LRP1B: variants seen among roughly 807,000 people sequenced by gnomAD.
LRP1B encodes the protein low-density lipoprotein receptor-related protein 1B.
A neutral mutation model predicts 556.6 loss-of-function variants in LRP1B; 217 were observed. The observed-to-expected ratio is 0.39, with a 90% CI of 0.35 to 0.44. LRP1B has a LOEUF of 0.44. Among genes scored for constraint, LRP1B ranks in the 20% least tolerant of loss-of-function variants. The pLI is 1.00. For missense variants in LRP1B, 5,053 were observed against 5,620.8 expected, an observed-to-expected ratio of 0.90 and a Z score of 3.23; for synonymous variants, 2,047 against 1,865.8, an observed-to-expected ratio of 1.10 and a Z score of -2.50.
intron 77 of LRP1B, 35 bp from the exon 78 acceptor site, chr2:140,335,873 T>G: frequency 7.4e-7 from 1 of 1,344,224 alleles, no homozygotes; most frequent in Non-Finnish European, 1.1e-6. Flanking sequence ...CACGGTATTT[T>G]CAACAGGAAA....
intron 1 of LRP1B, among the ~76,000 whole-genome samples, chr2:142,032,914 C>T (rs995911090): frequency 6.6e-6 from 1 of 151,840 alleles, no homozygotes; most frequent in South Asian, 2.1e-4. Flanking sequence ...TTAACACTAT[C>T]AGCATGTGAA....
At chr2:141,391,932 CACT>C (rs1315919276) in intron 3 of LRP1B, among the ~76,000 whole-genome samples, 3 of 152,108 alleles carry the variant, frequency 2.0e-5, no homozygotes, top group Admixed American at 1.3e-4. Context: ...ATGATGTACC[CACT>C]ACTATGTATA....
intron 3 of LRP1B, among the ~76,000 whole-genome samples, chr2:141,277,815 A>G (rs1025291089): frequency 2.0e-5 from 3 of 152,058 alleles, no homozygotes; most frequent in African/African-American, 7.2e-5. Flanking sequence ...GATACAAGAT[A>G]ATTTAAAAAG....
intron 18 of LRP1B, among the ~76,000 whole-genome samples, chr2:140,967,235 G>T (rs1177984418): frequency 6.6e-6 from 1 of 151,978 alleles, no homozygotes; most frequent in African/African-American, 2.4e-5. Flanking sequence ...GCGGTTTGTA[G>T]TTCTCCTCAA....
At chr2:140,632,068 G>A (rs1014666633) in intron 41 of LRP1B, among the ~76,000 whole-genome samples, 4 of 152,082 alleles carry the variant, frequency 2.6e-5, no homozygotes, top group African/African-American at 9.7e-5. Flanking sequence ...ACTCAAAATT[G>A]AAGAATAAAT....
At chr2:141,501,911 T>C (rs1163924666) in intron 2 of LRP1B, among the ~76,000 whole-genome samples, 2 of 46,430 alleles carry the variant, frequency 4.3e-5, no homozygotes, top group East Asian at 6.6e-3. Context: ...GAAACAACTA[T>C]GGCTTTTTTT....
At chr2:140,664,098 GT>G (rs1164222246) in intron 41 of LRP1B, among the ~76,000 whole-genome samples, 2 of 152,148 alleles carry the variant, frequency 1.3e-5, no homozygotes, top group East Asian at 3.8e-4. Flanking sequence ...CTTGAGTGCA[GT>G]TTGTGGTGCC....
At chr2:140,581,315 G>C (rs999824516) in intron 43 of LRP1B, among the ~76,000 whole-genome samples, 1 of 152,114 alleles carries the variant, frequency 6.6e-6, no homozygotes, top group South Asian at 2.1e-4. Context: ...TAGTATGGTG[G>C]TGATGATGAT....
At chr2:141,353,930 T>G (rs2105546483) in intron 3 of LRP1B, among the ~76,000 whole-genome samples, 1 of 152,138 alleles carries the variant, frequency 6.6e-6, no homozygotes, top group East Asian at 1.9e-4. Context: ...TAGTTAAGGT[T>G]CTTCTTCATG....
At chr2:141,921,730 CAAAT>C (rs1358260509) in intron 1 of LRP1B, among the ~76,000 whole-genome samples, 2 of 151,846 alleles carry the variant, frequency 1.3e-5, no homozygotes, top group Non-Finnish European at 2.9e-5. Context: ...TTTACTTGAC[CAAAT>C]AAATATTTCC....
intron 23 of LRP1B, among the ~76,000 whole-genome samples, chr2:140,892,882 T>C (rs1299269302): frequency 2.0e-5 from 3 of 152,008 alleles, no homozygotes; most frequent in Non-Finnish European, 4.4e-5. Context: ...CTAAAAAAGG[T>C]AAATGACAGA....
At chr2:141,611,200 A>G (rs1688098912) in intron 2 of LRP1B, among the ~76,000 whole-genome samples, 1 of 152,242 alleles carries the variant, frequency 6.6e-6, no homozygotes, top group Non-Finnish European at 1.5e-5. Context: ...TCTCCTCTGT[A>G]GTAAGAGTGA....
rs150241102 is a variant in LRP1B at position 140,897,870 on chromosome 2, G to A, written c.3766+5050C>T. ...GGTTTTGGGACTCAGACTGGTTTCC[G>A]GGCTCCTCAGCTTGCAGACAGCCTA... On this transcript the variant is annotated intron_variant, in intron 23 of 90. Transcript: ENST00000389484. Among the ~76,000 whole-genome samples the A allele has an allele frequency of 4.1e-3, 631 of 152,170 alleles. 6 individuals are homozygous for A. The highest frequency in any genetic ancestry group is 0.014 in the African/African-American group (579 of 41,532).
intron 1 of LRP1B, among the ~76,000 whole-genome samples, chr2:141,862,570 G>A (rs1226971174): frequency 6.6e-6 from 1 of 152,052 alleles, no homozygotes; most frequent in Admixed American, 6.6e-5. Context: ...CACTATGCCT[G>A]GCTAATTTTT....
chr2:141,949,337 T>C (rs1360893575), intron 1 of LRP1B, among the ~76,000 whole-genome samples: 1 of 152,164 alleles, frequency 6.6e-6, no homozygotes, highest in Non-Finnish European at 1.5e-5. Context: ...CAAAATGTAT[T>C]GTAAATTCAT....
intron 21 of LRP1B, among the ~76,000 whole-genome samples, chr2:140,912,967 C>T (rs1036688497): frequency 6.6e-6 from 1 of 150,958 alleles, no homozygotes; most frequent in Admixed American, 6.6e-5. Flanking sequence ...AAAAAGATAA[C>T]AAATGTTGTA....
intron 1 of LRP1B, among the ~76,000 whole-genome samples, chr2:141,820,565 G>A (rs1472406973): frequency 6.6e-6 from 1 of 152,150 alleles, no homozygotes; most frequent in Admixed American, 6.5e-5. Context: ...GGGCATTGAG[G>A]AATGAAAAGA....
chr2:141,885,207 T>A (rs1197662735), intron 1 of LRP1B, among the ~76,000 whole-genome samples: 1 of 152,178 alleles, frequency 6.6e-6, no homozygotes, highest in Non-Finnish European at 1.5e-5. Context: ...AAATTTCTCA[T>A]ACAGTATGAA....
intron 2 of LRP1B, among the ~76,000 whole-genome samples, chr2:141,664,207 C>T (rs923458469): frequency 3.9e-5 from 6 of 152,112 alleles, no homozygotes; most frequent in African/African-American, 7.2e-5. Context: ...GTTAAAAACT[C>T]GCAATAAACT....
Sources: allele counts gnomAD v4.1 joint callset (sites outside exome capture counted in the v4.1 genomes callset), GRCh38; gene constraint gnomAD v4.1.1; transcripts MANE v1.5; gene names NCBI Gene and HGNC (gene_info 2026-07-23, HGNC 2026-07-21).